Variants in DACH1 observed in about 807,000 individuals in gnomAD.
DACH1 encodes the protein dachshund homolog 1.
DACH1 carries 12 observed loss-of-function variants against 54.2 expected under a neutral mutation model. The observed-to-expected ratio is 0.22, with a 90% CI of 0.14 to 0.36. DACH1 has a LOEUF of 0.36. Ranked by LOEUF, DACH1 falls within the 10% of genes least tolerant of loss-of-function variation. The pLI, the probability that DACH1 is intolerant of heterozygous loss-of-function variation, is 1.00. For synonymous variants in DACH1, 386 were observed against 366.2 expected, an observed-to-expected ratio of 1.05 and a Z score of -0.62; for missense variants, 805 against 929.8, an observed-to-expected ratio of 0.87 and a Z score of 1.75.
At chr13:71,512,006 C>T (rs1880810490) in intron 6 of DACH1, among the ~76,000 whole-genome samples, 1 of 151,984 alleles carries the variant, frequency 6.6e-6, no homozygotes, top group Non-Finnish European at 1.5e-5. Flanking sequence ...GAGGTCCATT[C>T]TATACCAGAA....
chr13:71,776,244 C>A (rs1047895970), intron 1 of DACH1, among the ~76,000 whole-genome samples: 2 of 152,016 alleles, frequency 1.3e-5, no homozygotes, highest in South Asian at 4.1e-4. Flanking sequence ...TGTTTCACAA[C>A]CAAGGTTGGC....
At chr13:71,758,755 C>A (rs987099702) in intron 1 of DACH1, among the ~76,000 whole-genome samples, 1 of 151,996 alleles carries the variant, frequency 6.6e-6, no homozygotes, top group Admixed American at 6.6e-5. Flanking sequence ...TATAAATATC[C>A]GGTATATTAA....
Position 71,733,460 on chromosome 13 carries a change from G to T in DACH1, c.849-51550C>A, listed in dbSNP as rs117420437. On this transcript the variant is annotated intron_variant, in intron 1 of 10. Transcript: ENST00000613252. ...GCCTCCCAAACTGCCGGGATTACAG[G>T]TGTGACCAACACACCTGGCCTATTA... 9.1e-3 allele frequency among the ~76,000 whole-genome samples: 1,379 copies of T among 152,226 alleles called. 13 individuals are homozygous for T. Among genetic ancestry groups the T allele is most frequent in the Middle Eastern group, 0.017 (5 of 294 alleles).
chr13:71,819,480 G>A (rs76558618), intron 1 of DACH1, among the ~76,000 whole-genome samples: 2 of 152,188 alleles, frequency 1.3e-5, no homozygotes, highest in Non-Finnish European at 2.9e-5. Flanking sequence ...ATTTTATGTG[G>A]TCCTGGTCTG....
intron 1 of DACH1, among the ~76,000 whole-genome samples, chr13:71,811,317 A>G (rs1887699283): frequency 6.6e-6 from 1 of 152,180 alleles, no homozygotes; most frequent in African/African-American, 2.4e-5. Context: ...ATTAAAAAGT[A>G]GTTATTTAAA....
At chr13:71,754,363 C>T (rs1004189417) in intron 1 of DACH1, among the ~76,000 whole-genome samples, 1 of 152,126 alleles carries the variant, frequency 6.6e-6, no homozygotes, top group African/African-American at 2.4e-5. Flanking sequence ...CTTTCCTTGC[C>T]CCCTTTCATG....
In DACH1 at chr13:71,475,859, A is replaced by T; in HGVS notation, c.1871-10T>A. ...CTCTTTTGAACTATGGCTAAAAAAGAGTGTATGCATATTATTATTATTATT... is the reference window on the plus strand; with the variant it reads ...CTCTTTTGAACTATGGCTAAAAAAGTGTGTATGCATATTATTATTATTATT... On this transcript the variant is annotated splice_polypyrimidine_tract_variant and intron_variant, in intron 8 of 10. Coordinates refer to ENST00000613252, the MANE Select transcript of DACH1 (RefSeq NM_080759.6). The T allele has an allele frequency of 6.3e-7, 1 of 1,576,780 alleles. No homozygotes were observed. The highest frequency in any genetic ancestry group is 8.6e-7 in the Non-Finnish European group (1 of 1,162,360).
In DACH1 at chr13:71,439,455, A is replaced by C. The variant is rs1320010473; in HGVS notation, c.*1200T>G. The C allele has an allele frequency of 1.3e-5, 2 of 152,458 alleles. No homozygotes were observed. Among genetic ancestry groups the C allele is most frequent in the African/African-American group, 4.8e-5 (2 of 41,448 alleles). 9.4% of individuals were successfully genotyped at this position (152,458 alleles called of 1,614,324 possible). A position where few individuals can be genotyped will look rare whatever the true frequency, so the allele number is the denominator to read the frequency against. On this transcript the variant is annotated 3_prime_UTR_variant, in exon 11 of 11. Coordinates refer to ENST00000613252, the MANE Select transcript of DACH1 (RefSeq NM_080759.6). ...TTTTAACTTTATCACTCAGCGCTACATGGTATTGGACTGGTACATCAAGGT... is the reference window on the plus strand; with the variant it reads ...TTTTAACTTTATCACTCAGCGCTACCTGGTATTGGACTGGTACATCAAGGT...
intron 6 of DACH1, among the ~76,000 whole-genome samples, chr13:71,556,678 A>G (rs1436306006): frequency 2.0e-5 from 3 of 151,920 alleles, no homozygotes; most frequent in Non-Finnish European, 2.9e-5. Flanking sequence ...CTATATTGTT[A>G]TTGTTCTATC....
chr13:71,493,329 G>A (rs1449334283), intron 6 of DACH1, among the ~76,000 whole-genome samples: 1 of 152,036 alleles, frequency 6.6e-6, no homozygotes, highest in African/African-American at 2.4e-5. Flanking sequence ...TCACGAGTTG[G>A]GTTGAAAGTA....
chr13:71,783,226 A>C (rs1315160189), intron 1 of DACH1, among the ~76,000 whole-genome samples: 1 of 152,200 alleles, frequency 6.6e-6, no homozygotes, highest in Non-Finnish European at 1.5e-5. Flanking sequence ...TTAGATCCAT[A>C]GTGATGCCTT....
At chr13:71,612,330 G>A (rs1203932889) in intron 3 of DACH1, among the ~76,000 whole-genome samples, 1 of 151,938 alleles carries the variant, frequency 6.6e-6, no homozygotes, top group Non-Finnish European at 1.5e-5. Flanking sequence ...TATAAACTGA[G>A]AACTTTCCAT....
rs1877422425 is a variant in DACH1 at position 71,475,341 on chromosome 13, A to G, written c.2015-132T>C. ...ATCTTTGTCATCTTTTAAAGGTTGA[A>G]CAAAAACTGTAACCGTAAGAATTTT... On this transcript the variant is annotated intron_variant, in intron 9 of 10. Coordinates refer to ENST00000613252, the MANE Select transcript of DACH1 (RefSeq NM_080759.6). 26 of 790,836 alleles carry G rather than the reference A, an allele frequency of 3.3e-5. 1 individual carries two copies. In the South Asian group the frequency reaches 4.2e-4, roughly 13 times the overall value. The allele number at this position is 790,836 out of a possible 1,614,324, so 49.0% of individuals were successfully genotyped here. A position where few individuals can be genotyped will look rare whatever the true frequency, so the allele number is the denominator to read the frequency against.
Position 71,866,753 on chromosome 13 carries a change from G to A in DACH1, c.17C>T (p.Ala6Val). Residue 6 changes from alanine to valine, a missense_variant, in exon 1 of 11, where the codon GCT becomes GTT. Around this residue, in one of 3 missense-constraint regions of DACH1, gnomAD observed 305 missense variants for 308.7 expected, o/e 0.99. Coordinates refer to ENST00000613252, the MANE Select transcript of DACH1 (RefSeq NM_080759.6). ...GACCAGCTGGGTCGGAGGGATCAAA[G>A]CCGCCGGCACTGCCATGGTCACATA... MAVPA[A>V]LIPPTQLVPP... The A allele has an allele frequency of 7.2e-7, 1 of 1,387,020 alleles. No homozygotes were observed. Among genetic ancestry groups the A allele is most frequent in the South Asian group, 2.0e-5 (1 of 48,858 alleles). 85.9% of individuals were successfully genotyped at this position (1,387,020 alleles called of 1,614,324 possible).
chr13:71,694,015 A>C (rs1385787420), intron 1 of DACH1, among the ~76,000 whole-genome samples: 1 of 152,194 alleles, frequency 6.6e-6, no homozygotes, highest in Non-Finnish European at 1.5e-5. Flanking sequence ...ATGTAGTCTC[A>C]AATGAGGGTA....
intron 1 of DACH1, among the ~76,000 whole-genome samples, chr13:71,683,461 G>A (rs1056449311): frequency 2.6e-5 from 4 of 152,086 alleles, no homozygotes. Flanking sequence ...AAAAATGTAT[G>A]GATATACAGG....
intron 2 of DACH1, among the ~76,000 whole-genome samples, chr13:71,674,608 G>T (rs906805793): frequency 1.3e-5 from 2 of 151,980 alleles, no homozygotes; most frequent in African/African-American, 4.8e-5. Context: ...TCCAGAGGGG[G>T]TACCCTGCTG....
chr13:71,852,245 T>G (rs1441779984), intron 1 of DACH1, among the ~76,000 whole-genome samples: 1 of 152,198 alleles, frequency 6.6e-6, no homozygotes, highest in Non-Finnish European at 1.5e-5. Flanking sequence ...GTCCTGACAG[T>G]TCAGTCCCTT....
intron 2 of DACH1, among the ~76,000 whole-genome samples, chr13:71,670,192 C>T (rs1326150045): frequency 6.6e-6 from 1 of 152,152 alleles, no homozygotes; most frequent in African/African-American, 2.4e-5. Context: ...ATTAATTATA[C>T]TGACTAATTC....
Sources: gnomAD v4.1 joint callset for allele counts (sites outside exome capture counted in the v4.1 genomes callset) on GRCh38, gnomAD v4.1.1 for gene constraint, gnomAD v4.1.1 regional missense constraint, MANE v1.5 for transcripts, NCBI Gene and HGNC (gene_info 2026-07-23, HGNC 2026-07-21) for gene names.